The following IL23R variants were observed in gnomAD, a reference collection of about 807,000 sequenced individuals.
IL23R encodes interleukin-23 receptor.
In IL23R, 34 loss-of-function variants were observed where a neutral mutation model predicts 56.9. That is an observed-to-expected ratio of 0.60 (90% confidence interval 0.45 to 0.80). IL23R has a LOEUF of 0.80. Among genes scored for constraint, IL23R ranks in the 30% least tolerant of loss-of-function variants. IL23R has a pLI of 0.00. For synonymous variants in IL23R, 230 were observed against 249.2 expected, an observed-to-expected ratio of 0.92 and a Z score of 0.73; for missense variants, 635 against 730.0, an observed-to-expected ratio of 0.87 and a Z score of 1.50.
intron 1 of IL23R, among the ~76,000 whole-genome samples, chr1:67,147,823 T>C (rs1022827770): frequency 6.6e-6 from 1 of 152,216 alleles, no homozygotes; most frequent in African/African-American, 2.4e-5. Context: ...AATGTAATAA[T>C]ACTACATTGG....
chr1:67,154,587 C>T (rs1056804339), intron 1 of IL23R, among the ~76,000 whole-genome samples: 2 of 151,744 alleles, frequency 1.3e-5, no homozygotes, highest in Non-Finnish European at 2.9e-5. Flanking sequence ...CAAGCCCTGT[C>T]TTTTTAAATT....
At chr1:67,150,573 C>T (rs904532132) in intron 1 of IL23R, among the ~76,000 whole-genome samples, 12 of 150,030 alleles carry the variant, frequency 8.0e-5, no homozygotes, top group African/African-American at 2.9e-4. Context: ...CTTCCAGCTC[C>T]ATCCATGTCC....
At chr1:67,234,707 CTT>C (rs5774860) in intron 7 of IL23R, among the ~76,000 whole-genome samples, 1 of 117,582 alleles carries the variant, frequency 8.5e-6, no homozygotes, top group African/African-American at 3.2e-5. Flanking sequence ...TATTTTTACT[CTT>C]TTTTTTTTTT....
At chr1:67,249,606 A>T (rs1652484179) in intron 9 of IL23R, among the ~76,000 whole-genome samples, 1 of 152,130 alleles carries the variant, frequency 6.6e-6, no homozygotes, top group Middle Eastern at 3.2e-3. Context: ...ATATTATTTA[A>T]CCTGAAGAAG....
At chr1:67,262,492 T>C (rs1195444218), downstream of IL23R, among the ~76,000 whole-genome samples, 4 of 152,096 alleles carry the variant, frequency 2.6e-5, no homozygotes, top group African/African-American at 7.2e-5. Flanking sequence ...TTCATCTGAG[T>C]CTCAGGTAAG....
At chr1:67,145,006 T>C (rs1646667274) in intron 1 of IL23R, among the ~76,000 whole-genome samples, 1 of 152,168 alleles carries the variant, frequency 6.6e-6, no homozygotes, top group Non-Finnish European at 1.5e-5. Flanking sequence ...TCAGCCCCCT[T>C]TTTCACTCTT....
intron 5 of IL23R, among the ~76,000 whole-genome samples, chr1:67,205,915 C>CTTTCTTTCTTTCTTTCTCTT (rs58824749): frequency 8.1e-6 from 1 of 123,134 alleles, no homozygotes; most frequent in Non-Finnish European, 1.8e-5. Context: ...TTCTTTCTTT[C>CTTTCTTTCTTTCTTTCTCTT]TTTCTTTCTT....
intron 4 of IL23R, among the ~76,000 whole-genome samples, 173 bp downstream of exon 4, chr1:67,183,132 A>G (rs968102892): frequency 6.6e-6 from 1 of 152,198 alleles, no homozygotes; most frequent in African/African-American, 2.4e-5. Flanking sequence ...CAAGCCATTA[A>G]TATTTTCACT....
intron 1 of IL23R, among the ~76,000 whole-genome samples, chr1:67,160,473 C>A (rs1646808580): frequency 6.6e-6 from 1 of 152,210 alleles, no homozygotes; most frequent in Non-Finnish European, 1.5e-5. Flanking sequence ...CACCCTAAAT[C>A]TTTCTGGAGA....
intron 10 of IL23R, among the ~76,000 whole-genome samples, chr1:67,256,904 A>C (rs532258960): frequency 8.5e-5 from 13 of 152,328 alleles, no homozygotes; most frequent in Admixed American, 7.2e-4. Context: ...GTTCAAAAAC[A>C]ACTGGTCAAC....
At chr1:67,151,024 C>T (rs1024637776) in intron 1 of IL23R, among the ~76,000 whole-genome samples, 6 of 152,146 alleles carry the variant, frequency 3.9e-5, no homozygotes, top group Admixed American at 2.6e-4. Context: ...CTTGAGGAAT[C>T]GCCACACTGT....
chr1:67,171,464 T>G (rs1306936027), intron 3 of IL23R, among the ~76,000 whole-genome samples: 3 of 152,200 alleles, frequency 2.0e-5, no homozygotes, highest in Non-Finnish European at 4.4e-5. Flanking sequence ...GGCTCTACTA[T>G]TCTAACAGAA....
At chr1:67,184,563 TAAAATAAATA>T (rs1244026037) in intron 4 of IL23R, among the ~76,000 whole-genome samples, 3 of 100,616 alleles carry the variant, frequency 3.0e-5, no homozygotes, top group Admixed American at 1.4e-4. Flanking sequence ...ATAAATAAAA[TAAAATAAATA>T]AAATAAAATA....
At chr1:67,144,960 A>T (rs1182099357) in intron 1 of IL23R, among the ~76,000 whole-genome samples, 1 of 152,192 alleles carries the variant, frequency 6.6e-6, no homozygotes, top group African/African-American at 2.4e-5. Context: ...ACATGTCTAC[A>T]TGTTAATTTA....
intron 6 of IL23R, among the ~76,000 whole-genome samples, chr1:67,216,206 C>T (rs1649822996): frequency 6.6e-6 from 1 of 152,234 alleles, no homozygotes; most frequent in East Asian, 1.9e-4. Flanking sequence ...TGCCTGTTTA[C>T]ACTTCTATTT....
chr1:67,172,271 T>G (rs577731067), intron 3 of IL23R, among the ~76,000 whole-genome samples: 3 of 152,334 alleles, frequency 2.0e-5, no homozygotes, highest in African/African-American at 7.2e-5. Context: ...CATGTGAGAT[T>G]TATTATGTCA....
At chr1:67,205,941 C>CTTTT (rs369567382) in intron 5 of IL23R, among the ~76,000 whole-genome samples, 1 of 83,852 alleles carries the variant, frequency 1.2e-5, no homozygotes, top group African/African-American at 3.5e-5. Context: ...TTCTTTCTTT[C>CTTTT]TCTTTTTTTT....
At chr1:67,203,465 T>C (rs1648776321) in intron 5 of IL23R, among the ~76,000 whole-genome samples, 1 of 151,722 alleles carries the variant, frequency 6.6e-6, no homozygotes, top group Admixed American at 6.6e-5. Flanking sequence ...TTTTCCTTCT[T>C]CTCCTTCTTT....
At chr1:67,259,965 G>GAAAAAAAAAAAAAAAAAAA (rs372460431) in exon 11 of IL23R, 2 of 76,068 alleles carry the variant, frequency 2.6e-5, no homozygotes, top group African/African-American at 5.9e-5. Context: ...ACTCTGTCTG[G>GAAAAAAAAAAAAAAAAAAA]AAAAAAAAAA....
Sources: allele counts gnomAD v4.1 joint callset (sites outside exome capture counted in the v4.1 genomes callset), GRCh38; gene constraint gnomAD v4.1.1; transcripts MANE v1.5; gene names NCBI Gene and HGNC (gene_info 2026-07-23, HGNC 2026-07-21).